Variants in CSMD3 observed in about 807,000 individuals in gnomAD.
The protein encoded by CSMD3 is CUB and sushi domain-containing protein 3.
CSMD3 carries 177 observed loss-of-function variants against 435.2 expected under a neutral mutation model. The observed-to-expected ratio is 0.41, with a 90% confidence interval of 0.36 to 0.46. The LOEUF is 0.46. Among genes scored for constraint, CSMD3 ranks in the 20% least tolerant of loss-of-function variants. The pLI, the probability that CSMD3 is intolerant of heterozygous loss-of-function variation, is 0.34. For synonymous variants in CSMD3, 1,656 were observed against 1,520.5 expected (o/e 1.09, Z -2.07); for missense variants, 4,265 against 4,504.6 (o/e 0.95, Z 1.52).
At chr8:113,276,579 A>C (rs2093572309) in intron 3 of CSMD3, among the ~76,000 whole-genome samples, 1 of 152,070 alleles carries the variant, frequency 6.6e-6, no homozygotes, top group Non-Finnish European at 1.5e-5. Flanking sequence ...GCCAGAAAGT[A>C]GATTTTCCCC....
chr8:112,795,103 T>C (rs554964189), intron 13 of CSMD3, among the ~76,000 whole-genome samples: 1 of 152,292 alleles, frequency 6.6e-6, no homozygotes, highest in East Asian at 1.9e-4. Context: ...ATTCATACTA[T>C]TCCAAGTCAC....
At chr8:113,218,366 A>G (rs1037180638) in intron 3 of CSMD3, among the ~76,000 whole-genome samples, 2 of 150,892 alleles carry the variant, frequency 1.3e-5, no homozygotes, top group East Asian at 1.9e-4. Flanking sequence ...GTTGTAGTAC[A>G]TTTTACATCT....
intron 1 of CSMD3, among the ~76,000 whole-genome samples, chr8:113,385,317 G>A (rs950800722): frequency 6.6e-5 from 10 of 151,758 alleles, no homozygotes; most frequent in Non-Finnish European, 1.3e-4. Context: ...TGAGCATTCC[G>A]GACAAATAAA....
chr8:112,584,230 T>A (rs1830543731), intron 23 of CSMD3, among the ~76,000 whole-genome samples: 1 of 151,804 alleles, frequency 6.6e-6, no homozygotes, highest in South Asian at 2.1e-4. Context: ...AATTACTACA[T>A]TGATGGTCAT....
chr8:113,413,320 T>G (rs1046312386), intron 1 of CSMD3, among the ~76,000 whole-genome samples: 4 of 152,146 alleles, frequency 2.6e-5, no homozygotes, highest in African/African-American at 9.6e-5. Flanking sequence ...CACAGATTGA[T>G]TTCATTCTAT....
intron 13 of CSMD3, among the ~76,000 whole-genome samples, chr8:112,784,054 A>G (rs973912153): frequency 3.9e-5 from 6 of 152,076 alleles, no homozygotes; most frequent in Non-Finnish European, 4.4e-5. Context: ...AAATCAACAA[A>G]GAAACACTGG....
intron 3 of CSMD3, among the ~76,000 whole-genome samples, chr8:113,201,411 C>A (rs1005590831): frequency 2.0e-5 from 3 of 151,926 alleles, no homozygotes; most frequent in Non-Finnish European, 4.4e-5. Context: ...TCTACTCCAC[C>A]AGTCTCTTCC....
intron 32 of CSMD3, among the ~76,000 whole-genome samples, chr8:112,472,256 A>G (rs982591250): frequency 1.1e-4 from 17 of 152,202 alleles, no homozygotes; most frequent in African/African-American, 3.1e-4. Flanking sequence ...CATATTTTAC[A>G]GAGCAGCCTT....
Position 112,223,497 on chromosome 8 carries a change from G to T in CSMD3, c.*1274C>A. 1 of 158,468 alleles carries T rather than the reference G, an allele frequency of 6.3e-6. No individual in the cohort carries two copies. 9.8% of individuals were successfully genotyped at this position (158,468 alleles called of 1,614,324 possible). On this transcript the variant is annotated 3_prime_UTR_variant, in exon 71 of 71. Coordinates refer to ENST00000297405, the MANE Select transcript of CSMD3 (RefSeq NM_198123.2). ...ATTAAATAAAAATGCTGGCATTACT[G>T]TATGATACAGTTTAAATGAGCCACC... is the stretch of plus-strand genomic sequence containing the variant.
intron 3 of CSMD3, among the ~76,000 whole-genome samples, chr8:113,186,779 C>A (rs2092509745): frequency 6.6e-6 from 1 of 151,974 alleles, no homozygotes; most frequent in Non-Finnish European, 1.5e-5. Context: ...TTTAACGTTC[C>A]ACAGCAAGGC....
chr8:112,229,313 G>T (rs2129850494), intron 69 of CSMD3, among the ~76,000 whole-genome samples: 1 of 152,276 alleles, frequency 6.6e-6, no homozygotes, highest in East Asian at 1.9e-4. Flanking sequence ...TAGTGGATGT[G>T]ACAAGCACTG....
At chr8:112,722,207 AG>A (rs1043840285) in intron 13 of CSMD3, among the ~76,000 whole-genome samples, 2 of 151,924 alleles carry the variant, frequency 1.3e-5, no homozygotes, top group Non-Finnish European at 2.9e-5. Flanking sequence ...AAAAAAAAAA[AG>A]CAAGGGAACT....
chr8:112,638,304 C>T lies in CSMD3; in HGVS notation c.3526+392G>A, dbSNP rs1157046067. 4.0e-5 allele frequency among the ~76,000 whole-genome samples: 6 copies of T among 149,880 alleles called. No individual in the cohort carries two copies. In the East Asian group the frequency reaches 1.2e-3, roughly 29 times the overall value. Reference sequence around the variant, plus strand: ...TCCTAGACACATAAAACAAGGAAATCACTGGATTAATTCTCATTTCATTTT... The same window carrying T: ...TCCTAGACACATAAAACAAGGAAATTACTGGATTAATTCTCATTTCATTTT... On this transcript the variant is annotated intron_variant, in intron 21 of 70. Coordinates refer to ENST00000297405, the MANE Select transcript of CSMD3 (RefSeq NM_198123.2).
At chr8:113,409,487 T>C (rs1010867555) in intron 1 of CSMD3, among the ~76,000 whole-genome samples, 1 of 152,178 alleles carries the variant, frequency 6.6e-6, no homozygotes, top group Non-Finnish European at 1.5e-5. Context: ...GAGAGACGCA[T>C]TGTAAACTCC....
intron 1 of CSMD3, among the ~76,000 whole-genome samples, chr8:113,405,822 T>A (rs1301316837): frequency 6.6e-6 from 1 of 151,764 alleles, no homozygotes; most frequent in Non-Finnish European, 1.5e-5. Context: ...CTAGGGTATA[T>A]AGTATAATGT....
intron 2 of CSMD3, among the ~76,000 whole-genome samples, chr8:113,306,836 A>C (rs1366367408): frequency 6.6e-6 from 1 of 152,166 alleles, no homozygotes; most frequent in Non-Finnish European, 1.5e-5. Context: ...CAAGCTACAG[A>C]TGGTTTATTC....
intron 17 of CSMD3, among the ~76,000 whole-genome samples, chr8:112,665,245 C>A (rs565496465): frequency 1.3e-5 from 2 of 152,230 alleles, no homozygotes; most frequent in East Asian, 1.9e-4. Context: ...ATTTGCCATA[C>A]GAAGCTCTTC....
intron 17 of CSMD3, among the ~76,000 whole-genome samples, chr8:112,662,549 A>T (rs2075412198): frequency 1.3e-5 from 2 of 152,204 alleles, no homozygotes; most frequent in Non-Finnish European, 2.9e-5. Flanking sequence ...CTTAAATGTT[A>T]GACCTAAAAC....
At chr8:113,243,901 C>A (rs764760732) in intron 3 of CSMD3, among the ~76,000 whole-genome samples, 23 of 151,914 alleles carry the variant, frequency 1.5e-4, no homozygotes, top group African/African-American at 3.4e-4. Context: ...ATTTTAATAT[C>A]TTTTTTGTAG....
Sources: gnomAD v4.1 joint callset for allele counts (sites outside exome capture counted in the v4.1 genomes callset) on GRCh38, gnomAD v4.1.1 for gene constraint, MANE v1.5 for transcripts, NCBI Gene and HGNC (gene_info 2026-07-23, HGNC 2026-07-21) for gene names.